CNTN5: variants seen among roughly 807,000 people sequenced by gnomAD.
The protein encoded by CNTN5 is contactin 5.
A neutral mutation model predicts 129.1 loss-of-function variants in CNTN5; 77 were observed. The observed-to-expected ratio is 0.60, with a 90% confidence interval of 0.50 to 0.72. The LOEUF (loss-of-function observed/expected upper bound fraction) is 0.72, where lower values mean the gene tolerates loss of function less well. CNTN5 is among the 30% of genes least tolerant of loss of function. The pLI is 0.00. For synonymous variants in CNTN5, 509 were observed against 465.6 expected (o/e 1.09, Z -1.20); for missense variants, 1,478 against 1,328.8 (o/e 1.11, Z -1.75).
intron 1 of CNTN5, among the ~76,000 whole-genome samples, chr11:99,088,649 C>T (rs938491139): frequency 3.9e-5 from 6 of 152,032 alleles, no homozygotes; most frequent in South Asian, 2.1e-4. Flanking sequence ...GAGTGGCAAA[C>T]GCATATGTTA....
At chr11:99,488,906 T>A (rs1945925001) in intron 2 of CNTN5, among the ~76,000 whole-genome samples, 1 of 149,588 alleles carries the variant, frequency 6.7e-6, no homozygotes, top group Non-Finnish European at 1.5e-5. Context: ...ATACTAGAAG[T>A]CTTGTTTTAG....
intron 3 of CNTN5, among the ~76,000 whole-genome samples, chr11:99,582,909 A>G (rs1452483988): frequency 6.6e-6 from 1 of 152,016 alleles, no homozygotes; most frequent in African/African-American, 2.4e-5. Context: ...TCTGATTTTT[A>G]GAGTTTCTGG....
chr11:99,145,346 A>C (rs951786536), intron 1 of CNTN5, among the ~76,000 whole-genome samples: 4 of 149,202 alleles, frequency 2.7e-5, no homozygotes, highest in Non-Finnish European at 5.9e-5. Context: ...CTGGGATTAC[A>C]GGTGTGAGCT....
intron 3 of CNTN5, among the ~76,000 whole-genome samples, chr11:99,569,375 G>A (rs557471178): frequency 7.2e-5 from 11 of 151,976 alleles, no homozygotes; most frequent in African/African-American, 2.2e-4. Context: ...GGGCAGTGGC[G>A]CAATGTGGCC....
At chr11:99,523,592 A>C (rs894244663) in intron 2 of CNTN5, among the ~76,000 whole-genome samples, 9 of 151,424 alleles carry the variant, frequency 5.9e-5, no homozygotes, top group African/African-American at 1.7e-4. Context: ...CCCATCTCAA[A>C]GAAAGATAGA....
intron 6 of CNTN5, among the ~76,000 whole-genome samples, chr11:99,886,145 T>A (rs902331917): frequency 6.6e-6 from 1 of 152,054 alleles, no homozygotes; most frequent in Non-Finnish European, 1.5e-5. Context: ...TATAGAAATA[T>A]CTTTATGATC....
intron 2 of CNTN5, among the ~76,000 whole-genome samples, chr11:99,532,245 G>C (rs1947738203): frequency 6.6e-6 from 1 of 152,112 alleles, no homozygotes; most frequent in African/African-American, 2.4e-5. Context: ...TTTGGGACTT[G>C]CATGGGCCCT....
At chr11:99,392,290 T>C (rs1349594146) in intron 2 of CNTN5, among the ~76,000 whole-genome samples, 4 of 151,848 alleles carry the variant, frequency 2.6e-5, no homozygotes, top group Non-Finnish European at 4.4e-5. Context: ...AGAGTTTTTA[T>C]TGTTGTTACT....
At chr11:100,226,535 A>G (rs942386318) in intron 16 of CNTN5, among the ~76,000 whole-genome samples, 11 of 152,220 alleles carry the variant, frequency 7.2e-5, no homozygotes, top group African/African-American at 2.4e-4. Flanking sequence ...GATAAAATGC[A>G]TAAATTTTCG....
intron 13 of CNTN5, among the ~76,000 whole-genome samples, chr11:100,141,384 C>T (rs1025652837): frequency 1.3e-5 from 2 of 152,024 alleles, no homozygotes; most frequent in Non-Finnish European, 2.9e-5. Flanking sequence ...GAGGAACACA[C>T]GAACAGTTGG....
chr11:99,520,411 T>C (rs1947232822), intron 2 of CNTN5, among the ~76,000 whole-genome samples: 1 of 152,138 alleles, frequency 6.6e-6, no homozygotes, highest in African/African-American at 2.4e-5. Flanking sequence ...GCTTTATGCA[T>C]GATCAAAGTG....
At chr11:99,908,476 T>C (rs1319195680) in intron 6 of CNTN5, among the ~76,000 whole-genome samples, 1 of 152,076 alleles carries the variant, frequency 6.6e-6, no homozygotes, top group Admixed American at 6.6e-5. Flanking sequence ...CTTTAAAATT[T>C]CCTAAGATTT....
chr11:100,067,313 T>C (rs1488792461), intron 10 of CNTN5, among the ~76,000 whole-genome samples: 4 of 152,102 alleles, frequency 2.6e-5, no homozygotes, highest in African/African-American at 9.7e-5. Context: ...TCTGTGTGCA[T>C]GTTTGTGTGT....
intron 1 of CNTN5, among the ~76,000 whole-genome samples, chr11:99,169,132 A>G (rs1396351181): frequency 6.6e-6 from 1 of 152,294 alleles, no homozygotes; most frequent in East Asian, 1.9e-4. Flanking sequence ...CTCATAAACA[A>G]AACATGGCCG....
intron 13 of CNTN5, among the ~76,000 whole-genome samples, chr11:100,081,628 C>T (rs1944367398): frequency 6.6e-6 from 1 of 152,106 alleles, no homozygotes. Flanking sequence ...GCAAATAAAG[C>T]ATAATGTCAA....
intron 24 of CNTN5, among the ~76,000 whole-genome samples, chr11:100,354,658 A>G (rs1468184624): frequency 1.3e-5 from 2 of 151,684 alleles, no homozygotes; most frequent in Admixed American, 1.3e-4. Context: ...TCCTTCAGCA[A>G]TTTCATTGTG....
intron 2 of CNTN5, among the ~76,000 whole-genome samples, chr11:99,465,124 C>A (rs1944880532): frequency 6.6e-6 from 1 of 152,154 alleles, no homozygotes; most frequent in South Asian, 2.1e-4. Flanking sequence ...ACAAATAATG[C>A]TTTTGAGTAA....
At chr11:100,170,608 A>G (rs949657638) in intron 13 of CNTN5, among the ~76,000 whole-genome samples, 2 of 151,996 alleles carry the variant, frequency 1.3e-5, no homozygotes, top group African/African-American at 4.8e-5. Context: ...GTTGTTTCAC[A>G]TAAGTGAAAA....
intron 2 of CNTN5, among the ~76,000 whole-genome samples, chr11:99,479,206 A>G (rs1002145193): frequency 6.6e-6 from 1 of 151,904 alleles, no homozygotes; most frequent in Admixed American, 6.6e-5. Context: ...AAGACTGTGA[A>G]TATTGATAAC....
Sources: gnomAD v4.1 joint callset for allele counts (sites outside exome capture counted in the v4.1 genomes callset) on GRCh38, gnomAD v4.1.1 for gene constraint, MANE v1.5 for transcripts, NCBI Gene and HGNC (gene_info 2026-07-23, HGNC 2026-07-21) for gene names.